Variants in SGK1 observed in about 807,000 individuals in gnomAD.
The protein encoded by SGK1 is serine/threonine-protein kinase Sgk1.
A neutral mutation model predicts 64.2 loss-of-function variants in SGK1; 26 were observed. The ratio of observed to expected loss-of-function variants is 0.40; its 90% CI spans 0.30 to 0.56. SGK1 has a LOEUF of 0.56. Ranked by LOEUF, SGK1 falls within the 20% of genes least tolerant of loss-of-function variation. The probability of loss-of-function intolerance (pLI) is 0.38; values close to 1 mark genes in which losing one functional copy is unlikely to be tolerated. For synonymous variants in SGK1, 265 were observed against 239.7 expected (o/e 1.11, Z -0.98); for missense variants, 519 against 645.6 (o/e 0.80, Z 2.12).
At chr6:134,187,877 A>G (rs958474396) in intron 3 of SGK1, among the ~76,000 whole-genome samples, 45 of 152,210 alleles carry the variant, frequency 3.0e-4, no homozygotes, top group African/African-American at 1.0e-3. Context: ...AAGCTGTCCA[A>G]TATAATCAGC....
chr6:134,171,110 T>C lies in SGK1; in HGVS notation c.1236A>G (p.Lys412=). The change falls in exon 12 of 14, where the codon AAA becomes AAG. Residue 412 remains lysine, a synonymous_variant. Coordinates refer to ENST00000367858, the MANE Select transcript of SGK1 (RefSeq NM_001143676.3). The part of the protein sequence containing the change: ...DNILNKPLQL[K]PNITNSARHL... Reference sequence around the variant, plus strand: ...GTCTTGCGGAATTTGTAATATTTGGTTTCAGCTGGAGAGGCTTGTTCAGAA... The same window carrying C: ...GTCTTGCGGAATTTGTAATATTTGGCTTCAGCTGGAGAGGCTTGTTCAGAA... The C allele has an allele frequency of 6.2e-7, 1 of 1,614,114 alleles. No homozygotes were observed. Among genetic ancestry groups the C allele is most frequent in the Non-Finnish European group, 8.5e-7 (1 of 1,180,026 alleles).
chr6:134,239,081 G>A (rs1776406469), intron 2 of SGK1, among the ~76,000 whole-genome samples: 1 of 152,224 alleles, frequency 6.6e-6, no homozygotes, highest in Non-Finnish European at 1.5e-5. Flanking sequence ...TACTTGGCAA[G>A]AAGAGAGCTG....
intron 10 of SGK1, 95 bp downstream of exon 10, chr6:134,172,098 A>G: frequency 2.2e-6 from 3 of 1,342,722 alleles, no homozygotes; most frequent in Non-Finnish European, 3.1e-6. Context: ...AGTCTCTGAG[A>G]GGAGTTTACT....
chr6:134,171,470 A>G (rs1775023889), intron 11 of SGK1, 167 bp downstream of exon 11: 1 of 619,920 alleles, frequency 1.6e-6, no homozygotes, highest in Non-Finnish European at 2.9e-6. Context: ...GCACAAAAGA[A>G]CCAGGTAAGT....
At chr6:134,186,203 T>C (rs988065097) in intron 3 of SGK1, among the ~76,000 whole-genome samples, 2 of 152,178 alleles carry the variant, frequency 1.3e-5, no homozygotes, top group African/African-American at 2.4e-5. Context: ...ATAAAGACAA[T>C]AGCAAAGTGA....
chr6:134,314,507 G>A (rs557716434), intron 1 of SGK1, among the ~76,000 whole-genome samples: 65 of 152,178 alleles, frequency 4.3e-4, no homozygotes, highest in African/African-American at 1.4e-3. Context: ...GACCTTGGGC[G>A]AATGGTTTAA....
chr6:134,317,041 T>A (rs1777697022), intron 1 of SGK1, among the ~76,000 whole-genome samples: 1 of 152,146 alleles, frequency 6.6e-6, no homozygotes, highest in Admixed American at 6.6e-5. Context: ...GCTGCTAAAT[T>A]AGCCCCTGAC....
chr6:134,174,982 G>C (rs968823764), intron 3 of SGK1: 6 of 1,266,644 alleles, frequency 4.7e-6, no homozygotes, highest in East Asian at 5.2e-5. Context: ...CGGCCGCCTC[G>C]CGGTTTGCTG....
rs929653261 is a variant in SGK1 at position 134,169,741 on chromosome 6, C to T, written c.*527G>A. ...AATATGGAAGAAACAAACAATGTCC[C>T]ACGTTGTAGTGTCCTGCAAGTGTCA... is the stretch of plus-strand genomic sequence containing the variant. On this transcript the variant is annotated 3_prime_UTR_variant, in exon 14 of 14. Transcript: ENST00000367858. 3.9e-5 allele frequency: 6 copies of T among 152,594 alleles called. No individual in the cohort carries two copies. Among genetic ancestry groups the T allele is most frequent in the African/African-American group, 1.4e-4 (6 of 41,434 alleles). 9.5% of individuals were successfully genotyped at this position (152,594 alleles called of 1,614,324 possible).
chr6:134,226,915 T>G (rs1250828119), intron 2 of SGK1, among the ~76,000 whole-genome samples: 1 of 152,086 alleles, frequency 6.6e-6, no homozygotes, highest in Non-Finnish European at 1.5e-5. Flanking sequence ...CTTGAACTCC[T>G]GGCCTCAAGC....
chr6:134,171,423 C>CA (rs1562236375), intron 11 of SGK1: 1 of 609,242 alleles, frequency 1.6e-6, no homozygotes, highest in African/African-American at 1.9e-5. Context: ...CACCACCACA[C>CA]AGGTTCAATG....
chr6:134,317,777 C>G lies in SGK1; in HGVS notation c.-317G>C, dbSNP rs947954374. The G allele has an allele frequency of 3.6e-6, 1 of 279,678 alleles. No individual in the cohort carries two copies. The highest frequency in any genetic ancestry group is 2.2e-5 in the African/African-American group (1 of 45,926). 17.3% of individuals were successfully genotyped at this position (279,678 alleles called of 1,614,324 possible). ...TCCGGGGAGATGCTGTGGCTCTTAC[C>G]GAGCGGGAGAAGGGTACGCCTCCCC... On this transcript the variant is annotated 5_prime_UTR_variant, in exon 1 of 14. Coordinates refer to ENST00000367858, the MANE Select transcript of SGK1 (RefSeq NM_001143676.3).
At chr6:134,302,701 C>CGTTA (rs1777475931) in intron 1 of SGK1, among the ~76,000 whole-genome samples, 1 of 151,982 alleles carries the variant, frequency 6.6e-6, no homozygotes, top group Non-Finnish European at 1.5e-5. Context: ...ACTTTACATG[C>CGTTA]GTTAGGTCAT....
At chr6:134,216,966 G>A (rs779228135) in intron 2 of SGK1, among the ~76,000 whole-genome samples, 9 of 152,176 alleles carry the variant, frequency 5.9e-5, no homozygotes, top group East Asian at 1.9e-4. Context: ...ACTCATGGGC[G>A]AAATCATTGG....
intron 1 of SGK1, among the ~76,000 whole-genome samples, chr6:134,277,786 G>A (rs1427685612): frequency 1.3e-5 from 2 of 152,182 alleles, no homozygotes; most frequent in Non-Finnish European, 2.9e-5. Context: ...AAGGTTAAGT[G>A]TGGAGCAGAA....
At chr6:134,215,933 T>C (rs1429492725) in intron 2 of SGK1, among the ~76,000 whole-genome samples, 1 of 152,124 alleles carries the variant, frequency 6.6e-6, no homozygotes, top group Non-Finnish European at 1.5e-5. Flanking sequence ...GGAGAATCGC[T>C]TGAACCCAGG....
chr6:134,207,580 C>T (rs958683398), intron 2 of SGK1, 149 bp from the exon 3 acceptor site: 41 of 640,826 alleles, frequency 6.4e-5, no homozygotes, highest in Non-Finnish European at 1.0e-4. Flanking sequence ...TTCTCAGGAC[C>T]GTGCTGGGTA....
chr6:134,234,615 T>C (rs1024123628), intron 2 of SGK1, among the ~76,000 whole-genome samples: 2 of 152,150 alleles, frequency 1.3e-5, no homozygotes, highest in Admixed American at 6.5e-5. Flanking sequence ...TGGTGGCTCA[T>C]GCCTGTAATC....
At chr6:134,183,572 G>T (rs1477691295) in intron 3 of SGK1, among the ~76,000 whole-genome samples, 3 of 152,162 alleles carry the variant, frequency 2.0e-5, no homozygotes, top group African/African-American at 7.2e-5. Flanking sequence ...AAGCAAAGGT[G>T]AGCTTATAGA....
Sources: allele counts gnomAD v4.1 joint callset (sites outside exome capture counted in the v4.1 genomes callset), GRCh38; gene constraint gnomAD v4.1.1; transcripts MANE v1.5; gene names NCBI Gene and HGNC (gene_info 2026-07-23, HGNC 2026-07-21).